GPR158: variants seen among roughly 807,000 people sequenced by gnomAD.
GPR158 encodes the protein metabotropic glycine receptor.
GPR158 carries 30 observed loss-of-function variants against 78.2 expected under a neutral mutation model. The ratio of observed to expected loss-of-function variants is 0.38; its 90% CI spans 0.29 to 0.52. The LOEUF is 0.52. GPR158 is among the 20% of genes least tolerant of loss of function. GPR158 has a pLI of 0.83. For synonymous variants in GPR158, 581 were observed against 591.1 expected, an observed-to-expected ratio of 0.98 and a Z score of 0.25; for missense variants, 1,463 against 1,523.5, an observed-to-expected ratio of 0.96 and a Z score of 0.66.
At chr10:25,565,127 T>C (rs10828828) in intron 6 of GPR158, among the ~76,000 whole-genome samples, 18,416 of 152,194 alleles carry the variant, frequency 0.12, 1,920 homozygotes, top group East Asian at 0.48. Flanking sequence ...TGGGATGCTG[T>C]ATCAACCATA....
intron 5 of GPR158, among the ~76,000 whole-genome samples, chr10:25,524,422 G>A (rs1026059857): frequency 6.6e-6 from 1 of 152,202 alleles, no homozygotes; most frequent in Non-Finnish European, 1.5e-5. Context: ...TCAAGATAAT[G>A]TGGTACTGAG....
At chr10:25,504,172 T>G (rs1230855717) in intron 5 of GPR158, among the ~76,000 whole-genome samples, 1 of 152,204 alleles carries the variant, frequency 6.6e-6, no homozygotes, top group Non-Finnish European at 1.5e-5. Flanking sequence ...ATTACAGGCA[T>G]GAGCCACCAC....
chr10:25,229,164 C>G (rs148362553), intron 2 of GPR158, among the ~76,000 whole-genome samples: 4 of 152,060 alleles, frequency 2.6e-5, no homozygotes, highest in Non-Finnish European at 5.9e-5. Context: ...TTGGTGGTGT[C>G]TCTATCTAGA....
intron 2 of GPR158, among the ~76,000 whole-genome samples, chr10:25,374,045 A>T (rs1356604586): frequency 6.6e-6 from 1 of 151,586 alleles, no homozygotes; most frequent in Non-Finnish European, 1.5e-5. Flanking sequence ...ATAATTGTGG[A>T]TTGGTTCACT....
At chr10:25,201,307 A>T (rs1852925196) in intron 1 of GPR158, among the ~76,000 whole-genome samples, 2 of 151,974 alleles carry the variant, frequency 1.3e-5, no homozygotes, top group African/African-American at 4.8e-5. Context: ...CTTGACTTAG[A>T]TGTTATTAGT....
chr10:25,254,847 A>G (rs1853870535), intron 2 of GPR158, among the ~76,000 whole-genome samples: 2 of 152,328 alleles, frequency 1.3e-5, no homozygotes, highest in South Asian at 4.1e-4. Flanking sequence ...GGAAGTATCT[A>G]ATGACTAGAC....
At chr10:25,541,360 A>T (rs1047210898) in intron 5 of GPR158, among the ~76,000 whole-genome samples, 1 of 152,004 alleles carries the variant, frequency 6.6e-6, no homozygotes, top group Admixed American at 6.6e-5. Flanking sequence ...TTCTCCCAGC[A>T]TATGATTTTT....
At position 25,423,822 on chromosome 10, in the gene GPR158, G is replaced by A. The variant is rs186092682; in HGVS notation, c.1335+11349G>A. Among the ~76,000 whole-genome samples, 382 of 152,234 alleles carry A rather than the reference G, an allele frequency of 2.5e-3. 2 individuals carry two copies. The highest frequency in any genetic ancestry group is 8.6e-3 in the African/African-American group (355 of 41,506). On this transcript the variant is annotated intron_variant, in intron 4 of 10. Transcript: ENST00000376351. ...GGGTTGGTTCCAAGTCTTTGCTATT[G>A]TGAACAGTGCCACAATAAACATACG...
At chr10:25,496,495 A>C (rs1835882344) in intron 5 of GPR158, among the ~76,000 whole-genome samples, 1 of 152,220 alleles carries the variant, frequency 6.6e-6, no homozygotes, top group African/African-American at 2.4e-5. Context: ...GTGTTTAACA[A>C]GGTGAAAAGT....
At chr10:25,317,726 GT>G (rs796945422) in intron 2 of GPR158, among the ~76,000 whole-genome samples, 6,853 of 140,032 alleles carry the variant, frequency 0.049, 264 homozygotes, top group African/African-American at 0.083. Context: ...GTTTTTTTTT[GT>G]TTTGTTTTGT....
chr10:25,357,794 C>A, intron 2 of GPR158, among the ~76,000 whole-genome samples: 1 of 146,590 alleles, frequency 6.8e-6, no homozygotes, highest in East Asian at 2.0e-4. Context: ...CTCCCACAGT[C>A]CCTACTGGGG....
chr10:25,506,180 C>T (rs1011924947), intron 5 of GPR158, among the ~76,000 whole-genome samples: 3 of 152,204 alleles, frequency 2.0e-5, no homozygotes, highest in African/African-American at 7.2e-5. Flanking sequence ...TGTTACATGA[C>T]TTCTATGCTT....
At chr10:25,281,668 A>AG (rs1854276858) in intron 2 of GPR158, among the ~76,000 whole-genome samples, 1 of 151,980 alleles carries the variant, frequency 6.6e-6, no homozygotes, top group African/African-American at 2.4e-5. Flanking sequence ...TCACTTAAGG[A>AG]GGAAAAAAAG....
intron 7 of GPR158, among the ~76,000 whole-genome samples, chr10:25,584,072 C>A (rs187021829): frequency 6.6e-6 from 1 of 152,138 alleles, no homozygotes; most frequent in Non-Finnish European, 1.5e-5. Flanking sequence ...TGGTAGTTAA[C>A]TTTTAAACTG....
chr10:25,251,095 G>C (rs1853790565), intron 2 of GPR158, among the ~76,000 whole-genome samples: 1 of 152,008 alleles, frequency 6.6e-6, no homozygotes. Context: ...TTTGATCTTT[G>C]TTGGTTTAAA....
rs931488924 is a variant in GPR158, at chr10:25,598,102, G to T, written c.2476G>T (p.Asp826Tyr). ...CCACAGCACTTATGACCACGTGAGA[G>T]ACCAAACGGAAGAGTCCAGTAGCCT... Reference protein sequence around the residue: ...KSHSTYDHVRDQTEESSSLPT... With the variant: ...KSHSTYDHVRYQTEESSSLPT... The change falls in exon 11 of 11, where the codon GAC becomes TAC. Residue 826 changes from aspartate to tyrosine, a missense_variant. By Grantham distance (160) the Asp-to-Tyr change is radical. Coordinates refer to ENST00000376351, the MANE Select transcript of GPR158 (RefSeq NM_020752.3). The T allele has an allele frequency of 1.9e-6, 3 of 1,613,980 alleles. No individual in the cohort carries two copies. The African/African-American group carries it at 4.0e-5, about 22-fold the overall frequency.
At chr10:25,209,486 T>G (rs539421220) in intron 1 of GPR158, among the ~76,000 whole-genome samples, 1 of 152,182 alleles carries the variant, frequency 6.6e-6, no homozygotes, top group African/African-American at 2.4e-5. Flanking sequence ...TAAACCAGAA[T>G]CTTTTAAAGA....
intron 2 of GPR158, among the ~76,000 whole-genome samples, chr10:25,275,431 G>A (rs1362237921): frequency 6.6e-6 from 1 of 152,248 alleles, no homozygotes; most frequent in Admixed American, 6.5e-5. Context: ...TTAAACTCTT[G>A]TTCTCTCCGT....
intron 6 of GPR158, among the ~76,000 whole-genome samples, chr10:25,564,665 G>A (rs1399095095): frequency 6.7e-6 from 1 of 150,108 alleles, no homozygotes; most frequent in African/African-American, 2.4e-5. Context: ...TCCTGAGCAT[G>A]CAGATGTCTT....
Sources: allele counts gnomAD v4.1 joint callset (sites outside exome capture counted in the v4.1 genomes callset), GRCh38; gene constraint gnomAD v4.1.1; transcripts MANE v1.5; gene names NCBI Gene and HGNC (gene_info 2026-07-23, HGNC 2026-07-21).